Variants in NCOA1 observed in about 807,000 individuals in gnomAD.
NCOA1 encodes nuclear receptor coactivator 1.
NCOA1 carries 35 observed loss-of-function variants against 150.9 expected under a neutral mutation model. That is an observed-to-expected ratio of 0.23 (90% confidence interval 0.18 to 0.31). The LOEUF is 0.31. Among genes scored for constraint, NCOA1 ranks in the 10% least tolerant of loss-of-function variants. The pLI is 1.00. For synonymous variants in NCOA1, 590 were observed against 630.0 expected (o/e 0.94, Z 0.95); for missense variants, 1,491 against 1,749.3 (o/e 0.85, Z 2.63).
chr2:24,659,868 A>C (rs1671102290), intron 5 of NCOA1, among the ~76,000 whole-genome samples: 1 of 152,078 alleles, frequency 6.6e-6, no homozygotes, highest in Non-Finnish European at 1.5e-5. Context: ...AACATTGCCA[A>C]ATGTCCCCTG....
intron 3 of NCOA1, among the ~76,000 whole-genome samples, chr2:24,632,628 A>G (rs1669757018): frequency 2.0e-5 from 3 of 152,200 alleles, no homozygotes; most frequent in Admixed American, 2.0e-4. Context: ...TAGGCCCTTT[A>G]GCATCCAGGC....
intron 22 of NCOA1, among the ~76,000 whole-genome samples, chr2:24,764,033 G>C (rs1572698472): frequency 6.6e-6 from 1 of 152,214 alleles, no homozygotes; most frequent in Non-Finnish European, 1.5e-5. Flanking sequence ...GGGGAGAAGT[G>C]AGGAAAGGAA....
At chr2:24,749,416 G>A (rs915231470) in intron 19 of NCOA1, among the ~76,000 whole-genome samples, 1 of 152,202 alleles carries the variant, frequency 6.6e-6, no homozygotes, top group South Asian at 2.1e-4. Flanking sequence ...GAGCTGATGC[G>A]CGCACGCGGG....
chr2:24,681,163 A>G (rs1672143934), intron 7 of NCOA1, among the ~76,000 whole-genome samples: 1 of 152,192 alleles, frequency 6.6e-6, no homozygotes, highest in South Asian at 2.1e-4. Context: ...CAGGAGTTTA[A>G]GACCAACCTG....
At chr2:24,726,484 A>G (rs1674628692) in intron 14 of NCOA1, 105 bp from the exon 15 acceptor site, 1 of 613,300 alleles carries the variant, frequency 1.6e-6, no homozygotes, top group Non-Finnish European at 2.9e-6. Flanking sequence ...CATTGAAGTA[A>G]TATTTTAAAG....
chr2:24,595,241 A>G (rs1667839899), intron 3 of NCOA1, among the ~76,000 whole-genome samples: 1 of 152,094 alleles, frequency 6.6e-6, no homozygotes, highest in Non-Finnish European at 1.5e-5. Context: ...GTTTTTTAAA[A>G]ATCAAAAGAA....
intron 3 of NCOA1, among the ~76,000 whole-genome samples, chr2:24,588,597 A>G (rs1304023812): frequency 2.0e-5 from 3 of 152,190 alleles, no homozygotes; most frequent in Non-Finnish European, 4.4e-5. Flanking sequence ...GACTCATGAT[A>G]AATGCTGTGG....
intron 3 of NCOA1, among the ~76,000 whole-genome samples, chr2:24,634,715 C>T (rs923182826): frequency 9.0e-6 from 1 of 110,684 alleles, no homozygotes; most frequent in Non-Finnish European, 1.9e-5. Context: ...GGAACCCCCC[C>T]CCCCCCCGCC....
chr2:24,735,437 G>C (rs1016234105), intron 17 of NCOA1, among the ~76,000 whole-genome samples: 3 of 152,130 alleles, frequency 2.0e-5, no homozygotes, highest in African/African-American at 7.2e-5. Context: ...CTAGTGATTT[G>C]AGAAAAGAAA....
intron 17 of NCOA1, among the ~76,000 whole-genome samples, chr2:24,734,610 C>T (rs963887660): frequency 1.2e-4 from 18 of 152,000 alleles, no homozygotes; most frequent in Non-Finnish European, 1.9e-4. Flanking sequence ...GCCTGGGCAA[C>T]ATAGCAAGAC....
rs185388360 is a variant in NCOA1, at chr2:24,548,927, G to T, written c.-395-15368G>T. ...CTTTTCCAGGTGCATGGTGCAAGCTGTTGGTGGATCTACCATTCTGCGGTC... is the reference window on the plus strand; with the variant it reads ...CTTTTCCAGGTGCATGGTGCAAGCTTTTGGTGGATCTACCATTCTGCGGTC... On this transcript the variant is annotated intron_variant, in intron 1 of 22. Coordinates refer to ENST00000348332, the MANE Select transcript of NCOA1 (RefSeq NM_003743.5). Among the ~76,000 whole-genome samples the T allele has an allele frequency of 1.1e-4, 17 of 152,278 alleles. No homozygotes were observed. In the East Asian group the frequency reaches 2.3e-3, roughly 21 times the overall value.
intron 1 of NCOA1, among the ~76,000 whole-genome samples, chr2:24,516,977 C>CATATACGTCTATATACGTGTAT (rs1664215952): frequency 1.7e-5 from 1 of 58,968 alleles, no homozygotes; most frequent in African/African-American, 4.6e-5. Context: ...TATATATACA[C>CATATACGTCTATATACGTGTAT]ATATACGTAT....
rs1455672953 is a variant in NCOA1, at chr2:24,632,170, G to C, written c.-174-11796G>C. Among the ~76,000 whole-genome samples, 16 of 152,028 alleles carry C rather than the reference G, an allele frequency of 1.1e-4. No individual in the cohort carries two copies. In the South Asian group the frequency reaches 3.3e-3, roughly 31 times the overall value. ...TCCAGGGAGACTAGGAGAATGGGAG[G>C]GAATATGACAAAATTTTTGAAGGGG... On this transcript the variant is annotated intron_variant, in intron 3 of 22. Transcript: ENST00000348332.
chr2:24,518,036 A>G (rs933043521), intron 1 of NCOA1, among the ~76,000 whole-genome samples: 1 of 152,124 alleles, frequency 6.6e-6, no homozygotes, highest in Admixed American at 6.5e-5. Flanking sequence ...CTCATTTAAC[A>G]TAACTAGTAA....
At chr2:24,586,275 CAAAAAAA>C (rs34590281) in intron 3 of NCOA1, among the ~76,000 whole-genome samples, 2 of 66,168 alleles carry the variant, frequency 3.0e-5, no homozygotes, top group African/African-American at 1.4e-4. Context: ...GACTCGGTCT[CAAAAAAA>C]AAAAAAAAAA....
At chr2:24,678,253 GT>G (rs1558896957) in intron 7 of NCOA1, among the ~76,000 whole-genome samples, 1 of 152,160 alleles carries the variant, frequency 6.6e-6, no homozygotes, top group East Asian at 1.9e-4. Flanking sequence ...ATTCCATGGT[GT>G]ATATGTACCA....
intron 3 of NCOA1, among the ~76,000 whole-genome samples, chr2:24,640,225 TG>T (rs759320663): frequency 5.6e-4 from 85 of 151,668 alleles, no homozygotes; most frequent in South Asian, 1.3e-3. Context: ...ATATAAAAAA[TG>T]GTTCACCATT....
At position 24,711,014 on chromosome 2, in the gene NCOA1, C is replaced by T. The variant is rs770487313; in HGVS notation, c.2502C>T (p.Asp834=). The T allele has an allele frequency of 2.5e-6, 4 of 1,614,080 alleles. No homozygotes were observed. In the African/African-American group the frequency reaches 5.3e-5, roughly 22 times the overall value. ...AGTTGCCAGGCTTATGTGAGACAGACAGGATGGATGGTGCGGTCACCAGTG... is the reference window on the plus strand; with the variant it reads ...AGTTGCCAGGCTTATGTGAGACAGATAGGATGGATGGTGCGGTCACCAGTG... ...AAQLPGLCET[D]RMDGAVTSVT... is the part of the protein sequence containing the mutation. Residue 834 remains aspartate, a synonymous_variant, in exon 14 of 23, where the codon GAC becomes GAT. Transcript: ENST00000348332.
Position 24,644,600 on chromosome 2 carries a change from G to A in NCOA1, c.-18+478G>A, listed in dbSNP as rs1408415621. ...ATATGGGCATTTTTACATTGTTGCT[G>A]TTTGAGTTTGTGAGCTAGCTGAATA... is the stretch of plus-strand genomic sequence containing the variant. On this transcript the variant is annotated intron_variant, in intron 4 of 22. Coordinates refer to ENST00000348332, the MANE Select transcript of NCOA1 (RefSeq NM_003743.5). Among the ~76,000 whole-genome samples the A allele has an allele frequency of 2.0e-5, 3 of 152,020 alleles. No homozygotes were observed. The East Asian group carries it at 5.8e-4, about 29-fold the overall frequency.
Sources: allele counts gnomAD v4.1 joint callset (sites outside exome capture counted in the v4.1 genomes callset), GRCh38; gene constraint gnomAD v4.1.1; transcripts MANE v1.5; gene names NCBI Gene and HGNC (gene_info 2026-07-23, HGNC 2026-07-21).